Variants in RAB38 observed in about 807,000 individuals in gnomAD.
RAB38 encodes ras-related protein Rab-38.
In RAB38, 15 loss-of-function variants were observed where a neutral mutation model predicts 18.4. The observed-to-expected ratio is 0.82, with a 90% confidence interval of 0.55 to 1.26. RAB38 has a LOEUF of 1.26. Among genes scored for constraint, RAB38 ranks in the 50% most tolerant of loss-of-function variants. RAB38 has a pLI of 0.00. For synonymous variants in RAB38, 101 were observed against 104.4 expected, an observed-to-expected ratio of 0.97 and a Z score of 0.20; for missense variants, 294 against 267.4, an observed-to-expected ratio of 1.10 and a Z score of -0.69.
At chr11:88,044,223 G>A in the RAB38 span, among the ~76,000 whole-genome samples, 96 of 152,266 alleles carry the variant, frequency 6.3e-4, 1 homozygote, top group African/African-American at 2.2e-3. Flanking sequence ...GTCTGACCAC[G>A]TGGAGACACC....
chr11:87,977,440 T>G, the RAB38 span, among the ~76,000 whole-genome samples: 368 of 97,570 alleles, frequency 3.8e-3, 3 homozygotes, highest in Non-Finnish European at 5.2e-3. Context: ...AACAATTATA[T>G]ATAATTATAT....
the RAB38 span, among the ~76,000 whole-genome samples, chr11:88,050,772 T>C: frequency 6.6e-6 from 1 of 152,148 alleles, no homozygotes; most frequent in African/African-American, 2.4e-5. Flanking sequence ...TCTCACAGAG[T>C]ATAGCTGCAA....
At chr11:88,067,783 C>A in the RAB38 span, among the ~76,000 whole-genome samples, 1 of 151,850 alleles carries the variant, frequency 6.6e-6, no homozygotes, top group African/African-American at 2.4e-5. Flanking sequence ...AGCATTAGGA[C>A]AAATACCTAA....
At chr11:87,873,922 GTATATATATA>G in the RAB38 span, among the ~76,000 whole-genome samples, 71 of 103,122 alleles carry the variant, frequency 6.9e-4, 2 homozygotes, top group African/African-American at 2.6e-3. Context: ...GTGTGTGTGT[GTATATATATA>G]TATATATATA....
the RAB38 span, among the ~76,000 whole-genome samples, chr11:87,835,765 A>G: frequency 9.9e-5 from 15 of 152,190 alleles, no homozygotes; most frequent in African/African-American, 3.4e-4. Flanking sequence ...CTCTGCCAAC[A>G]CCTTTATCTT....
At chr11:87,972,571 T>C in the RAB38 span, among the ~76,000 whole-genome samples, 2 of 151,988 alleles carry the variant, frequency 1.3e-5, no homozygotes, top group South Asian at 2.1e-4. Flanking sequence ...TGAAGTACAA[T>C]AGACCCACAC....
chr11:87,849,420 C>T, the RAB38 span, among the ~76,000 whole-genome samples: 1 of 152,112 alleles, frequency 6.6e-6, no homozygotes, highest in Non-Finnish European at 1.5e-5. Flanking sequence ...GCTGACTGCT[C>T]CATTCACAAG....
chr11:88,061,482 A>G, the RAB38 span, among the ~76,000 whole-genome samples: 11 of 152,214 alleles, frequency 7.2e-5, no homozygotes, highest in African/African-American at 2.7e-4. Context: ...ACATAGATGA[A>G]GACGTCACTT....
At chr11:87,861,512 C>A in the RAB38 span, among the ~76,000 whole-genome samples, 2 of 151,782 alleles carry the variant, frequency 1.3e-5, no homozygotes, top group Non-Finnish European at 2.9e-5. Context: ...TCAAAGCAAA[C>A]AAAAGCCAGT....
At chr11:87,954,659 G>A in the RAB38 span, among the ~76,000 whole-genome samples, 1,305 of 152,062 alleles carry the variant, frequency 8.6e-3, 16 homozygotes, top group African/African-American at 0.029. Context: ...CCATCAAGAG[G>A]ATCAGCTGCT....
At chr11:88,076,503 G>A in the RAB38 span, among the ~76,000 whole-genome samples, 8 of 152,092 alleles carry the variant, frequency 5.3e-5, no homozygotes, top group Admixed American at 5.2e-4. Flanking sequence ...CAGATGACAT[G>A]ATCTTAAACT....
At chr11:87,814,013 A>G in the RAB38 span, among the ~76,000 whole-genome samples, 1 of 152,162 alleles carries the variant, frequency 6.6e-6, no homozygotes, top group Non-Finnish European at 1.5e-5. Flanking sequence ...TTGCATGTGT[A>G]ATCTTACTAA....
chr11:87,831,413 A>G, the RAB38 span, among the ~76,000 whole-genome samples: 1 of 152,214 alleles, frequency 6.6e-6, no homozygotes, highest in East Asian at 1.9e-4. Flanking sequence ...AAGAGCATGG[A>G]TCAGGGCCTC....
chr11:88,138,940 G>T (rs143171573), intron 2 of RAB38, among the ~76,000 whole-genome samples: 1 of 151,742 alleles, frequency 6.6e-6, no homozygotes, highest in Admixed American at 6.6e-5. Context: ...CCGCCACCAC[G>T]CCTGGCTAAT....
At chr11:87,897,906 C>CAAAG in the RAB38 span, among the ~76,000 whole-genome samples, 1 of 151,548 alleles carries the variant, frequency 6.6e-6, no homozygotes, top group South Asian at 2.1e-4. Flanking sequence ...TGGGCTTAAG[C>CAAAG]AAAGACATGA....
chr11:88,063,834 A>G, the RAB38 span, among the ~76,000 whole-genome samples: 1 of 152,178 alleles, frequency 6.6e-6, no homozygotes, highest in African/African-American at 2.4e-5. Flanking sequence ...CTCCCCAGCC[A>G]CGTGGAACTG....
intron 1 of RAB38, 35 bp downstream of exon 1, chr11:88,175,148 G>C (rs1300267737): frequency 6.5e-7 from 1 of 1,531,892 alleles, no homozygotes. Context: ...GCCGCGAGGC[G>C]CTCTATCCCC....
At chr11:87,841,836 G>A in the RAB38 span, among the ~76,000 whole-genome samples, 1 of 152,208 alleles carries the variant, frequency 6.6e-6, no homozygotes, top group African/African-American at 2.4e-5. Flanking sequence ...AACATGGGGT[G>A]TATAGTCACT....
chr11:87,923,540 A>G, the RAB38 span, among the ~76,000 whole-genome samples: 1 of 142,752 alleles, frequency 7.0e-6, no homozygotes, highest in Non-Finnish European at 1.5e-5. Flanking sequence ...GTAAGAGTCA[A>G]TTAATTCTGT....
Sources: allele counts gnomAD v4.1 joint callset (sites outside exome capture counted in the v4.1 genomes callset), GRCh38; gene constraint gnomAD v4.1.1; transcripts MANE v1.5; gene names NCBI Gene and HGNC (gene_info 2026-07-23, HGNC 2026-07-21).